Variants in PRTG observed in about 807,000 individuals in gnomAD.
PRTG encodes the protein immunoglobulin superfamily, DCC subclass, member 5.
A neutral mutation model predicts 122.5 loss-of-function variants in PRTG; 67 were observed. The ratio of observed to expected loss-of-function variants is 0.55; its 90% CI spans 0.45 to 0.67. The LOEUF (loss-of-function observed/expected upper bound fraction) is 0.67. Among genes scored for constraint, PRTG ranks in the 30% least tolerant of loss-of-function variants. PRTG has a pLI of 0.00. For synonymous variants in PRTG, 554 were observed against 501.1 expected, an observed-to-expected ratio of 1.11 and a Z score of -1.41; for missense variants, 1,435 against 1,415.4, an observed-to-expected ratio of 1.01 and a Z score of -0.22.
intron 11 of PRTG, among the ~76,000 whole-genome samples, chr15:55,671,813 T>G (rs1308528191): frequency 1.3e-5 from 2 of 152,212 alleles, no homozygotes; most frequent in Non-Finnish European, 2.9e-5. Flanking sequence ...TGTATTCATT[T>G]TGGATATACA....
intron 11 of PRTG, among the ~76,000 whole-genome samples, chr15:55,647,783 TCATA>T (rs1183761915): frequency 3.3e-5 from 5 of 152,218 alleles, no homozygotes; most frequent in African/African-American, 1.2e-4. Flanking sequence ...CTCTGTTCGT[TCATA>T]CAAACAAGAT....
At chr15:55,620,579 G>C (rs2059160592) in intron 19 of PRTG, 84 bp downstream of exon 19, 1 of 1,490,752 alleles carries the variant, frequency 6.7e-7, no homozygotes, top group Non-Finnish European at 8.9e-7. Context: ...TTAAAATAAA[G>C]CATGAATTCA....
Position 55,682,421 on chromosome 15 carries a change from CA to C in PRTG, c.618del (p.Ile206MetfsTer5). 6.2e-7 allele frequency: 1 copy of C among 1,606,416 alleles called. No homozygotes were observed. The highest frequency in any genetic ancestry group is 1.1e-5 in the South Asian group (1 of 90,232). ...TTACGTCGGTGGGCTACAGTGGCAG[CA>C]ATACAACGATAATTTCCAGAATCCC... is the stretch of plus-strand genomic sequence containing the variant. The part of the protein sequence containing the change: ...SQRDSGNYRC[I>X]AATVAHRRKS... On this transcript the variant is annotated frameshift_variant, in exon 4 of 20. Transcript: ENST00000389286. LOFTEE classifies it high-confidence loss of function.
chr15:55,711,243 TC>T (rs2030376021), intron 2 of PRTG, among the ~76,000 whole-genome samples: 1 of 152,122 alleles, frequency 6.6e-6, no homozygotes, highest in South Asian at 2.1e-4. Flanking sequence ...ATCTTATTTA[TC>T]CTTTCCTATT....
intron 2 of PRTG, among the ~76,000 whole-genome samples, chr15:55,702,561 C>A (rs1371408987): frequency 6.6e-6 from 1 of 152,072 alleles, no homozygotes; most frequent in African/African-American, 2.4e-5. Flanking sequence ...CCATAAGATG[C>A]TGAAACTAAG....
chr15:55,657,854 A>T, intron 11 of PRTG, among the ~76,000 whole-genome samples: 1 of 152,332 alleles, frequency 6.6e-6, no homozygotes, highest in East Asian at 1.9e-4. Context: ...ATTACTTTTT[A>T]AAAAATTATG....
intron 11 of PRTG, among the ~76,000 whole-genome samples, chr15:55,668,552 G>C (rs907315149): frequency 1.8e-4 from 28 of 152,242 alleles, no homozygotes; most frequent in African/African-American, 6.5e-4. Context: ...CATTGAAAGT[G>C]CCTAGGGGAA....
intron 1 of PRTG, 52 bp downstream of exon 1, chr15:55,742,786 C>T: frequency 9.8e-6 from 15 of 1,536,534 alleles, no homozygotes; most frequent in Non-Finnish European, 1.2e-5. Flanking sequence ...ATCCCACTCG[C>T]GCCCGCTCCC....
chr15:55,656,442 C>T (rs1025667242), intron 11 of PRTG: 15 of 429,024 alleles, frequency 3.5e-5, no homozygotes, highest in Non-Finnish European at 6.4e-5. Flanking sequence ...AATCTATAAT[C>T]TATAATCTGT....
intron 2 of PRTG, among the ~76,000 whole-genome samples, chr15:55,709,423 C>T (rs1297832256): frequency 6.7e-6 from 1 of 149,124 alleles, no homozygotes; most frequent in African/African-American, 2.5e-5. Flanking sequence ...TGTGTTCAAT[C>T]CATTTAATGG....
chr15:55,628,332 A>C (rs2059207068), intron 16 of PRTG, among the ~76,000 whole-genome samples: 1 of 151,748 alleles, frequency 6.6e-6, no homozygotes, highest in East Asian at 1.9e-4. Flanking sequence ...TGAGTAGTGT[A>C]AGGGTAGCTC....
chr15:55,705,481 AGAGG>A (rs1264893662), intron 2 of PRTG, among the ~76,000 whole-genome samples: 1 of 152,132 alleles, frequency 6.6e-6, no homozygotes, highest in Non-Finnish European at 1.5e-5. Flanking sequence ...TTTTTGTGAG[AGAGG>A]GTCTCGCTCT....
intron 11 of PRTG, among the ~76,000 whole-genome samples, chr15:55,661,717 A>G (rs1274430543): frequency 6.6e-6 from 1 of 152,206 alleles, no homozygotes; most frequent in Admixed American, 6.5e-5. Flanking sequence ...CTTTTCAGTC[A>G]TTCTACAAAG....
chr15:55,727,393 T>C (rs990474584), intron 2 of PRTG, among the ~76,000 whole-genome samples: 1 of 152,028 alleles, frequency 6.6e-6, no homozygotes. Context: ...TCAGATAGCC[T>C]AGATGAAATG....
At chr15:55,658,553 C>T (rs1238446814) in intron 11 of PRTG, among the ~76,000 whole-genome samples, 2 of 152,030 alleles carry the variant, frequency 1.3e-5, no homozygotes, top group Non-Finnish European at 2.9e-5. Context: ...TCTGACCTCA[C>T]GATCCGCCCA....
In PRTG at chr15:55,743,151, G is replaced by C. The variant is rs1189651750; in HGVS notation, c.-220C>G. 137 of 1,243,362 alleles carry C rather than the reference G, an allele frequency of 1.1e-4. No individual in the cohort carries two copies. The highest frequency in any genetic ancestry group is 1.3e-4 in the Non-Finnish European group (129 of 996,184). 77.0% of individuals were successfully genotyped at this position (1,243,362 alleles called of 1,614,324 possible). Reference sequence around the variant, plus strand: ...GCCTGAGAGTCCGGCTGGGGGCGGAGTGAGGCGGCGGCTGCAGAGGGCGGG... The same window carrying C: ...GCCTGAGAGTCCGGCTGGGGGCGGACTGAGGCGGCGGCTGCAGAGGGCGGG... On this transcript the variant is annotated 5_prime_UTR_variant, in exon 1 of 20. Transcript: ENST00000389286.
intron 11 of PRTG, among the ~76,000 whole-genome samples, chr15:55,670,431 A>G (rs922918409): frequency 3.9e-5 from 6 of 152,194 alleles, no homozygotes; most frequent in Non-Finnish European, 7.3e-5. Context: ...CTTACATAAT[A>G]ACTAAGCAAA....
intron 18 of PRTG, among the ~76,000 whole-genome samples, chr15:55,623,743 T>C (rs1391321797): frequency 6.6e-6 from 1 of 152,200 alleles, no homozygotes; most frequent in Non-Finnish European, 1.5e-5. Flanking sequence ...TTTTAAAAGT[T>C]ATTGTTCACA....
chr15:55,679,585 C>A, intron 6 of PRTG, 140 bp from the exon 7 acceptor site: 1 of 615,678 alleles, frequency 1.6e-6, no homozygotes, highest in Non-Finnish European at 2.8e-6. Context: ...CATCTCCATA[C>A]ATCTCTCCAG....
Sources: gnomAD v4.1 joint callset for allele counts (sites outside exome capture counted in the v4.1 genomes callset) on GRCh38, gnomAD v4.1.1 for gene constraint, MANE v1.5 for transcripts, NCBI Gene and HGNC (gene_info 2026-07-23, HGNC 2026-07-21) for gene names.